The following GLCCI1 variants were observed in gnomAD, a reference collection of about 807,000 sequenced individuals.
The protein encoded by GLCCI1 is glucocorticoid induced 1.
A neutral mutation model predicts 52.2 loss-of-function variants in GLCCI1; 24 were observed. The ratio of observed to expected loss-of-function variants is 0.46; its 90% CI spans 0.33 to 0.65. The LOEUF (loss-of-function observed/expected upper bound fraction) is 0.65, where lower values mean the gene tolerates loss of function less well. GLCCI1 is among the 30% of genes least tolerant of loss of function. The pLI is 0.02. For missense variants in GLCCI1, 704 were observed against 701.5 expected (o/e 1.00, Z -0.04); for synonymous variants, 310 against 276.5 (o/e 1.12, Z -1.20).
Position 7,969,166 on chromosome 7 carries a change from C to A in GLCCI1, c.-185C>A, listed in dbSNP as rs796325124. The stretch of plus-strand genomic sequence containing the variant: ...TGTTTTCGCAGCCTTCCCCTCCCCC[C>A]TCGCCGAGGCGGCGGGGGTGTGCGT... On this transcript the variant is annotated 5_prime_UTR_variant, in exon 1 of 8. Transcript: ENST00000223145. This position sits in a 1 kb window ranked among gnomAD's most constrained non-coding sequence, Gnocchi z 4.9. 9.4e-6 allele frequency: 5 copies of A among 530,938 alleles called. No homozygotes were observed. Among genetic ancestry groups the A allele is most frequent in the South Asian group, 1.5e-4 (2 of 13,474 alleles). The allele number at this position is 530,938 out of a possible 1,614,324, so 32.9% of individuals were successfully genotyped here.
chr7:8,040,612 A>C (rs928381555), intron 3 of GLCCI1, among the ~76,000 whole-genome samples: 6 of 151,952 alleles, frequency 3.9e-5, no homozygotes, highest in African/African-American at 1.5e-4. Flanking sequence ...TAGGATTTGG[A>C]GGACCTGGAA....
At chr7:8,042,699 T>C (rs10272512) in intron 3 of GLCCI1, among the ~76,000 whole-genome samples, 115,758 of 152,154 alleles carry the variant, frequency 0.76, 44,461 homozygotes, top group African/African-American at 0.87. Context: ...CAAATTTGCA[T>C]GAATGAGGAA....
At chr7:8,032,684 G>T (rs1038334311) in intron 3 of GLCCI1, among the ~76,000 whole-genome samples, 3 of 152,038 alleles carry the variant, frequency 2.0e-5, no homozygotes, top group African/African-American at 7.2e-5. Flanking sequence ...TAGTAGAAAG[G>T]TATAAAGTGC....
intron 4 of GLCCI1, among the ~76,000 whole-genome samples, chr7:8,058,619 T>G (rs1782451915): frequency 6.6e-6 from 1 of 152,164 alleles, no homozygotes. Context: ...ATACTGAGAC[T>G]TTACACCATA....
At chr7:8,048,283 C>T (rs1429980285) in intron 3 of GLCCI1, among the ~76,000 whole-genome samples, 1 of 151,972 alleles carries the variant, frequency 6.6e-6, no homozygotes, top group African/African-American at 2.4e-5. Flanking sequence ...CTAGAAATAA[C>T]CTTCAGCTTC....
chr7:8,083,641 C>A (rs1257580571), intron 6 of GLCCI1, among the ~76,000 whole-genome samples: 2 of 143,424 alleles, frequency 1.4e-5, no homozygotes, highest in Non-Finnish European at 3.1e-5. Context: ...GGTGCCTACT[C>A]TGTAGGATCA....
intron 1 of GLCCI1, among the ~76,000 whole-genome samples, chr7:7,985,282 A>G (rs982392068): frequency 1.3e-5 from 2 of 152,022 alleles, no homozygotes; most frequent in African/African-American, 4.8e-5. Flanking sequence ...GAGAAAGAGA[A>G]AGAGAGTAAT....
intron 3 of GLCCI1, among the ~76,000 whole-genome samples, chr7:8,045,652 A>G (rs538205198): frequency 4.6e-5 from 7 of 152,280 alleles, no homozygotes; most frequent in African/African-American, 9.6e-5. Flanking sequence ...CTGTGACCCA[A>G]TGAGGCAGTT....
intron 2 of GLCCI1, among the ~76,000 whole-genome samples, chr7:8,021,073 C>T (rs1415677857): frequency 2.0e-5 from 3 of 152,156 alleles, no homozygotes; most frequent in Admixed American, 1.3e-4. Flanking sequence ...ACTGCTCAAG[C>T]AGTTTATTTT....
At chr7:8,051,996 AG>A (rs1237170133) in intron 3 of GLCCI1, among the ~76,000 whole-genome samples, 1 of 152,256 alleles carries the variant, frequency 6.6e-6, no homozygotes, top group African/African-American at 2.4e-5. Context: ...CCTGTTAAAA[AG>A]GATTTTAGCT....
At chr7:7,976,518 A>AAG (rs1562413261) in intron 1 of GLCCI1, among the ~76,000 whole-genome samples, 1 of 140,894 alleles carries the variant, frequency 7.1e-6, no homozygotes. Context: ...AAAGGAAAGG[A>AAG]GAAAGGAAAA....
At chr7:8,030,815 C>T (rs1375573564) in intron 3 of GLCCI1, among the ~76,000 whole-genome samples, 2 of 152,030 alleles carry the variant, frequency 1.3e-5, no homozygotes, top group Non-Finnish European at 2.9e-5. Context: ...TAGAGAAATG[C>T]AGATCAAAAC....
intron 3 of GLCCI1, among the ~76,000 whole-genome samples, chr7:8,031,876 G>A (rs1163024336): frequency 2.0e-5 from 3 of 151,912 alleles, no homozygotes; most frequent in African/African-American, 7.2e-5. Flanking sequence ...TAATAAAAAG[G>A]TTAGTGCAAA....
intron 1 of GLCCI1, among the ~76,000 whole-genome samples, chr7:7,988,193 A>G (rs1780774777): frequency 6.6e-6 from 1 of 152,216 alleles, no homozygotes; most frequent in African/African-American, 2.4e-5. Flanking sequence ...TACAGTTTAC[A>G]ATAAGGTTTT....
rs1782751413 is a variant in GLCCI1 at position 8,071,073 on chromosome 7, G to A, written c.1119G>A (p.Pro373=). 3 of 1,613,992 alleles carry A rather than the reference G, an allele frequency of 1.9e-6. No individual in the cohort carries two copies. Among genetic ancestry groups the A allele is most frequent in the African/African-American group, 1.3e-5 (1 of 74,914 alleles). Residue 373 remains proline, a synonymous_variant, in exon 6 of 8, where the codon CCG becomes CCA. Coordinates refer to ENST00000223145, the MANE Select transcript of GLCCI1 (RefSeq NM_138426.4). ...CCTGTGTCTCCCCTTTTTGTCCCCC[G>A]GAATCCCAGGATGGTAGCCCTTGCT... ...HSPCVSPFCP[P]ESQDGSPCST...
At chr7:8,080,318 T>C (rs993203006) in intron 6 of GLCCI1, among the ~76,000 whole-genome samples, 1 of 151,602 alleles carries the variant, frequency 6.6e-6, no homozygotes, top group Non-Finnish European at 1.5e-5. Flanking sequence ...TAGTATGTCA[T>C]TGAGTAAAGT....
intron 1 of GLCCI1, chr7:7,980,356 A>T (rs1780587822): frequency 1.1e-5 from 2 of 186,580 alleles, no homozygotes; most frequent in African/African-American, 4.7e-5. Context: ...TGTGGTTGTC[A>T]ATTTGCACAC....
Position 8,078,103 on chromosome 7 carries a change from G to A in GLCCI1, c.1178-6794G>A, listed in dbSNP as rs112725603. Reference sequence around the variant, plus strand: ...CAAAAAATGAGCCGGGCGTGGTGGCGGGCACCTGTAGTCCCAGCTACTCGG... The same window carrying A: ...CAAAAAATGAGCCGGGCGTGGTGGCAGGCACCTGTAGTCCCAGCTACTCGG... On this transcript the variant is annotated intron_variant, in intron 6 of 7. Coordinates refer to ENST00000223145, the MANE Select transcript of GLCCI1 (RefSeq NM_138426.4). Among the ~76,000 whole-genome samples, 1,095 of 151,280 alleles carry A rather than the reference G, an allele frequency of 7.2e-3. 11 individuals are homozygous for A. Among genetic ancestry groups the A allele is most frequent in the Non-Finnish European group, 0.012 (802 of 67,826 alleles).
chr7:8,059,529 ACTC>A (rs1466391267), intron 4 of GLCCI1, among the ~76,000 whole-genome samples: 2 of 152,218 alleles, frequency 1.3e-5, no homozygotes, highest in African/African-American at 4.8e-5. Flanking sequence ...ATTTTTGAGA[ACTC>A]CTGCCAAGGA....
Sources: gnomAD v4.1 joint callset for allele counts (sites outside exome capture counted in the v4.1 genomes callset) on GRCh38, gnomAD v4.1.1 for gene constraint, Gnocchi (gnomAD v3.1) non-coding constraint, MANE v1.5 for transcripts, NCBI Gene and HGNC (gene_info 2026-07-23, HGNC 2026-07-21) for gene names.